The following AUTS2 variants were observed in gnomAD, a reference collection of about 807,000 sequenced individuals.
AUTS2 encodes the protein autism susceptibility gene 2 protein.
In AUTS2, 17 loss-of-function variants were observed where a neutral mutation model predicts 112.4. The observed-to-expected ratio is 0.15, with a 90% CI of 0.10 to 0.23. The LOEUF (loss-of-function observed/expected upper bound fraction) is 0.23. AUTS2 is among the 10% of genes least tolerant of loss of function. The pLI, the probability that AUTS2 is intolerant of heterozygous loss-of-function variation, is 1.00. For missense variants in AUTS2, 1,510 were observed against 1,701.6 expected, an observed-to-expected ratio of 0.89 and a Z score of 1.98; for synonymous variants, 751 against 702.7, an observed-to-expected ratio of 1.07 and a Z score of -1.09.
chr7:70,027,598 T>C (rs559633772), intron 2 of AUTS2, among the ~76,000 whole-genome samples: 5 of 152,334 alleles, frequency 3.3e-5, no homozygotes, highest in African/African-American at 1.2e-4. Context: ...TGATACACAT[T>C]GTCAAAAACA....
intron 4 of AUTS2, among the ~76,000 whole-genome samples, chr7:70,372,576 T>C (rs1224648530): frequency 6.6e-6 from 1 of 151,970 alleles, no homozygotes; most frequent in Non-Finnish European, 1.5e-5. Flanking sequence ...TAGCACATCC[T>C]CTCCATCTGG....
intron 5 of AUTS2, among the ~76,000 whole-genome samples, chr7:70,541,328 T>G (rs1459798297): frequency 6.6e-6 from 1 of 152,190 alleles, no homozygotes; most frequent in African/African-American, 2.4e-5. Flanking sequence ...TGCCACCTTT[T>G]AGTGAAATTG....
At chr7:69,761,323 G>C (rs1788176103) in intron 1 of AUTS2, among the ~76,000 whole-genome samples, 1 of 152,170 alleles carries the variant, frequency 6.6e-6, no homozygotes, top group African/African-American at 2.4e-5. Flanking sequence ...CACTAACTTT[G>C]TCAGATGATG....
chr7:70,146,506 T>C (rs1243488283), intron 4 of AUTS2, among the ~76,000 whole-genome samples: 1 of 152,162 alleles, frequency 6.6e-6, no homozygotes, highest in African/African-American at 2.4e-5. Flanking sequence ...TGCTTATTCT[T>C]GGTTCATTTA....
At chr7:69,979,594 A>G (rs1206914638) in intron 2 of AUTS2, among the ~76,000 whole-genome samples, 1 of 152,256 alleles carries the variant, frequency 6.6e-6, no homozygotes, top group African/African-American at 2.4e-5. Context: ...GATGCAGCCA[A>G]TCTAAATCAA....
chr7:70,259,569 C>T (rs1481446345), intron 4 of AUTS2, among the ~76,000 whole-genome samples: 3 of 152,198 alleles, frequency 2.0e-5, no homozygotes, highest in African/African-American at 7.2e-5. Context: ...CCTGTTGATG[C>T]CCATGCCAGG....
chr7:70,099,961 G>T (rs1210760830), intron 2 of AUTS2, among the ~76,000 whole-genome samples: 1 of 151,964 alleles, frequency 6.6e-6, no homozygotes, highest in Admixed American at 6.5e-5. Flanking sequence ...CATATTGTTG[G>T]CAAGTAAAGC....
chr7:70,034,645 C>T (rs1800921080), intron 2 of AUTS2, among the ~76,000 whole-genome samples: 3 of 152,066 alleles, frequency 2.0e-5, no homozygotes, highest in African/African-American at 7.2e-5. Flanking sequence ...TCTTGTTCTA[C>T]CAATAGTCTT....
chr7:70,685,345 C>T (rs1016799472), intron 5 of AUTS2, among the ~76,000 whole-genome samples: 1 of 151,726 alleles, frequency 6.6e-6, no homozygotes, highest in African/African-American at 2.4e-5. Context: ...TGGTGATGCA[C>T]CCCTGTAGAC....
chr7:70,498,078 G>T (rs1365604822), intron 5 of AUTS2, among the ~76,000 whole-genome samples: 3 of 152,180 alleles, frequency 2.0e-5, no homozygotes, highest in South Asian at 4.1e-4. Context: ...GGAGTGAAAA[G>T]AAGTGGGAAG....
rs1051140317 is a variant in AUTS2 at position 70,429,352 on chromosome 7, A to T, written c.661-6400A>T. 2.6e-5 allele frequency among the ~76,000 whole-genome samples: 4 copies of T among 152,254 alleles called. No homozygotes were observed. The East Asian group carries it at 7.7e-4, about 29-fold the overall frequency. ...AAAGACTGTTGTGGCAAACAACGGC[A>T]GTACAGTTTTGTAAGGGATGGAGAT... is the stretch of plus-strand genomic sequence containing the variant. On this transcript the variant is annotated intron_variant, in intron 4 of 18. Transcript: ENST00000342771.
chr7:70,334,755 A>T (rs1033588033), intron 4 of AUTS2, among the ~76,000 whole-genome samples: 4 of 152,336 alleles, frequency 2.6e-5, no homozygotes, highest in Middle Eastern at 3.4e-3. Flanking sequence ...TAAAACAAAG[A>T]AAAAATGGAG....
intron 2 of AUTS2, among the ~76,000 whole-genome samples, chr7:69,905,990 C>T (rs1795136388): frequency 6.6e-6 from 1 of 152,098 alleles, no homozygotes; most frequent in African/African-American, 2.4e-5. Flanking sequence ...TTTGTGCATG[C>T]AGAACTTTAT....
In AUTS2 at chr7:70,183,060, T is replaced by C. The variant is rs1246961585; in HGVS notation, c.660+48489T>C. ...GAAATGAGGCCAGTGGTTTGATAAA[T>C]TATATCAAAAATAGTCCCTTCATGC... On this transcript the variant is annotated intron_variant, in intron 4 of 18. Coordinates refer to ENST00000342771, the MANE Select transcript of AUTS2 (RefSeq NM_015570.4). 2.0e-5 allele frequency among the ~76,000 whole-genome samples: 3 copies of C among 152,162 alleles called. No homozygotes were observed. In the East Asian group the frequency reaches 5.8e-4, roughly 29 times the overall value.
At chr7:70,373,157 G>T (rs894234590) in intron 4 of AUTS2, among the ~76,000 whole-genome samples, 6 of 151,904 alleles carry the variant, frequency 3.9e-5, no homozygotes, top group South Asian at 2.1e-4. Flanking sequence ...AACCAGGGGG[G>T]AGTGGGGGAA....
chr7:69,908,234 C>T (rs1795223980), intron 2 of AUTS2, among the ~76,000 whole-genome samples: 1 of 152,170 alleles, frequency 6.6e-6, no homozygotes, highest in African/African-American at 2.4e-5. Flanking sequence ...CCTTGCTGTA[C>T]TTAACCCTCA....
intron 2 of AUTS2, among the ~76,000 whole-genome samples, chr7:70,087,255 C>T (rs1208793683): frequency 2.1e-5 from 3 of 144,636 alleles, no homozygotes; most frequent in Non-Finnish European, 3.0e-5. Flanking sequence ...TTTAATATGG[C>T]AAATTTAACT....
chr7:69,928,978 C>A (rs1796132575), intron 2 of AUTS2, among the ~76,000 whole-genome samples: 3 of 152,186 alleles, frequency 2.0e-5, no homozygotes, highest in Admixed American at 2.0e-4. Context: ...CCCTTCATTT[C>A]TCTGGGTAGA....
intron 4 of AUTS2, among the ~76,000 whole-genome samples, chr7:70,420,388 G>A (rs1244580552): frequency 2.0e-5 from 3 of 152,230 alleles, no homozygotes; most frequent in African/African-American, 4.8e-5. Context: ...TCTGTTGCTT[G>A]TGTTCTCCTC....
Sources: gnomAD v4.1 joint callset for allele counts (sites outside exome capture counted in the v4.1 genomes callset) on GRCh38, gnomAD v4.1.1 for gene constraint, MANE v1.5 for transcripts, NCBI Gene and HGNC (gene_info 2026-07-23, HGNC 2026-07-21) for gene names.